PTPRC: variants seen among roughly 807,000 people sequenced by gnomAD.
PTPRC encodes the protein receptor-type tyrosine-protein phosphatase C.
A neutral mutation model predicts 155.9 loss-of-function variants in PTPRC; 44 were observed. That is an observed-to-expected ratio of 0.28 (90% CI 0.22 to 0.36). The LOEUF is 0.36. Ranked by LOEUF, PTPRC falls within the 10% of genes least tolerant of loss-of-function variation. The pLI is 1.00. For synonymous variants in PTPRC, 525 were observed against 533.1 expected (o/e 0.98, Z 0.21); for missense variants, 1,401 against 1,564.6 (o/e 0.90, Z 1.76).
chr1:198,642,341 G>GTT (rs1192610238), intron 2 of PTPRC, among the ~76,000 whole-genome samples: 1 of 136,122 alleles, frequency 7.3e-6, no homozygotes, highest in Non-Finnish European at 1.6e-5. Context: ...ATATTTGTGG[G>GTT]TTATATATAC....
At chr1:198,713,685 T>G (rs1399977070) in intron 12 of PTPRC, among the ~76,000 whole-genome samples, 2 of 152,226 alleles carry the variant, frequency 1.3e-5, no homozygotes, top group Non-Finnish European at 2.9e-5. Flanking sequence ...AACAAATATC[T>G]TCTGGACAAT....
At chr1:198,659,278 T>C (rs1274960085) in intron 2 of PTPRC, among the ~76,000 whole-genome samples, 2 of 152,182 alleles carry the variant, frequency 1.3e-5, no homozygotes, top group African/African-American at 4.8e-5. Flanking sequence ...TAGTAATTAC[T>C]TGCATATTTT....
At chr1:198,697,073 G>A (rs746571799) in intron 4 of PTPRC, among the ~76,000 whole-genome samples, 164 bp downstream of exon 4, 2 of 152,144 alleles carry the variant, frequency 1.3e-5, no homozygotes, top group Admixed American at 6.6e-5. Context: ...AATATAGATC[G>A]ACTGAAGTAA....
chr1:198,729,246 T>C, intron 17 of PTPRC, 75 bp downstream of exon 17: 1 of 1,411,868 alleles, frequency 7.1e-7, no homozygotes, highest in South Asian at 1.5e-5. Context: ...TATTTATTTA[T>C]TTATATTTAT....
Position 198,752,738 on chromosome 1 carries a change from C to T in PTPRC, c.3475C>T (p.His1159Tyr), listed in dbSNP as rs959940059. 1.2e-6 allele frequency: 2 copies of T among 1,612,722 alleles called. No homozygotes were observed. Among genetic ancestry groups the T allele is most frequent in the Non-Finnish European group, 1.7e-6 (2 of 1,179,332 alleles). ...GAAGAATTCCTCTGAAGGGAACAAG[C>T]ATCACAAGAGTACACCTCTACTCAT... Reference protein sequence around the residue: ...PQKNSSEGNKHHKSTPLLIHC... With the variant: ...PQKNSSEGNKYHKSTPLLIHC... The change falls in exon 31 of 33, where the codon CAT (histidine) becomes TAT (tyrosine). Residue 1159 changes from histidine (H) to tyrosine (Y), a missense_variant. By Grantham distance (83) the His-to-Tyr change is moderately conservative. Transcript: ENST00000442510.
chr1:198,683,041 T>A (rs748744410), intron 2 of PTPRC, among the ~76,000 whole-genome samples: 1 of 152,190 alleles, frequency 6.6e-6, no homozygotes, highest in Non-Finnish European at 1.5e-5. Context: ...CATGGGGGTT[T>A]TTACAGTCAG....
intron 5 of PTPRC, among the ~76,000 whole-genome samples, 163 bp from the exon 6 acceptor site, chr1:198,702,224 T>G (rs1042577595): frequency 2.6e-5 from 4 of 152,198 alleles, no homozygotes; most frequent in African/African-American, 9.6e-5. Context: ...GCCCTGGTAT[T>G]TTTGGTACAG....
rs537850434 is a variant in PTPRC, at chr1:198,680,367, C to T, written c.74-11980C>T. On this transcript the variant is annotated intron_variant, in intron 2 of 32. Transcript: ENST00000442510. ...ACTCAGGAGGCTGAGGCAGGAGAACCGCGTGAACCCGGCAGGCGGAGGTTG... is the reference window on the plus strand; with the variant it reads ...ACTCAGGAGGCTGAGGCAGGAGAACTGCGTGAACCCGGCAGGCGGAGGTTG... Among the ~76,000 whole-genome samples, 4 of 151,580 alleles carry T rather than the reference C, an allele frequency of 2.6e-5. No individual in the cohort carries two copies. In the East Asian group the frequency reaches 5.8e-4, roughly 22 times the overall value.
chr1:198,720,844 T>A (rs1653851841), intron 14 of PTPRC, among the ~76,000 whole-genome samples: 1 of 152,182 alleles, frequency 6.6e-6, no homozygotes, highest in African/African-American at 2.4e-5. Flanking sequence ...GTCACATCAT[T>A]GTGTATTATA....
intron 3 of PTPRC, chr1:198,693,173 A>T (rs1029560537): frequency 1.9e-5 from 17 of 915,612 alleles, no homozygotes; most frequent in Non-Finnish European, 2.2e-5. Flanking sequence ...ATTAAAATGA[A>T]TATTTTTGTC....
chr1:198,692,313 A>G, intron 2 of PTPRC, 34 bp from the exon 3 acceptor site: 1 of 1,487,192 alleles, frequency 6.7e-7, no homozygotes. Context: ...TGAAATTTGA[A>G]ATTTTCTAAG....
chr1:198,710,934 A>C (rs1653267097), intron 11 of PTPRC, among the ~76,000 whole-genome samples: 1 of 152,166 alleles, frequency 6.6e-6, no homozygotes, highest in South Asian at 2.1e-4. Flanking sequence ...GGCTCACTGC[A>C]ACCTCTGACT....
intron 14 of PTPRC, among the ~76,000 whole-genome samples, chr1:198,720,907 T>C (rs982825959): frequency 3.9e-5 from 6 of 152,050 alleles, no homozygotes; most frequent in African/African-American, 1.5e-4. Flanking sequence ...TGCACTGGTT[T>C]CTCTATAATT....
At chr1:198,693,397 G>A (rs1001741406) in intron 3 of PTPRC, among the ~76,000 whole-genome samples, 1 of 152,118 alleles carries the variant, frequency 6.6e-6, no homozygotes, top group African/African-American at 2.4e-5. Flanking sequence ...CTACTCAAAT[G>A]CAACTTAGTA....
rs374678525 is a variant in PTPRC at position 198,756,005 on chromosome 1, G to A, written c.3745G>A (p.Asp1249Asn). ...CCATCAAGAAGATAAAATTGAATTT[G>A]ATAATGAAGTGGACAAAGTAAAGCA... ...NNHQEDKIEF[D>N]NEVDKVKQDA... The change falls in exon 33 of 33, where the codon GAT (aspartate) becomes AAT (asparagine). Residue 1249 changes from aspartate (D) to asparagine (N), a missense_variant. By Grantham distance (23) the Asp-to-Asn change is conservative. Transcript: ENST00000442510. 30 of 1,613,360 alleles carry A rather than the reference G, an allele frequency of 1.9e-5. No individual in the cohort carries two copies. The African/African-American group carries it at 3.6e-4, about 19-fold the overall frequency.
chr1:198,695,891 G>A (rs1666178200), intron 3 of PTPRC, among the ~76,000 whole-genome samples: 1 of 152,096 alleles, frequency 6.6e-6, no homozygotes, highest in African/African-American at 2.4e-5. Flanking sequence ...GCCAGGCGTG[G>A]TGGCTCACGC....
At position 198,702,409 on chromosome 1, in the gene PTPRC, A is replaced by C; in HGVS notation, c.462A>C (p.Thr154=). 1 of 1,614,212 alleles carries C rather than the reference A, an allele frequency of 6.2e-7. No homozygotes were observed. The highest frequency in any genetic ancestry group is 2.2e-5 in the East Asian group (1 of 44,890). The part of the protein sequence containing the change: ...AISDVPGERS[T]ASTFPTDPVS... ...CAGATGTCCCAGGAGAGAGGAGTAC[A>C]GCCAGCACCTTTCCTACAGACCCAG... Residue 154 remains threonine, a synonymous_variant, in exon 6 of 33, where the codon ACA becomes ACC. Coordinates refer to ENST00000442510, the MANE Select transcript of PTPRC (RefSeq NM_002838.5).
chr1:198,756,668 G>C lies in PTPRC; in HGVS notation c.*487G>C, dbSNP rs1655686966. On this transcript the variant is annotated 3_prime_UTR_variant, in exon 33 of 33. Coordinates refer to ENST00000442510, the MANE Select transcript of PTPRC (RefSeq NM_002838.5). ...GAAATGACCTCAAGATGTCCTCCTT[G>C]TTCTACTCATATATATCTATCTTAT... 6.1e-6 allele frequency: 1 copy of C among 164,310 alleles called. No individual in the cohort carries two copies. The highest frequency in any genetic ancestry group is 1.5e-4 in the South Asian group (1 of 6,586). 10.2% of individuals were successfully genotyped at this position (164,310 alleles called of 1,614,324 possible).
upstream of PTPRC, chr1:198,638,751 G>A (rs899341696): frequency 2.6e-5 from 4 of 155,104 alleles, no homozygotes; most frequent in African/African-American, 9.7e-5. Flanking sequence ...CACCCATTTT[G>A]TTATACTTAT....
Sources: gnomAD v4.1 joint callset for allele counts (sites outside exome capture counted in the v4.1 genomes callset) on GRCh38, gnomAD v4.1.1 for gene constraint, MANE v1.5 for transcripts, NCBI Gene and HGNC (gene_info 2026-07-23, HGNC 2026-07-21) for gene names.